The following KDM2B variants were observed in gnomAD, a reference collection of about 807,000 sequenced individuals.
KDM2B encodes the protein lysine-specific demethylase 2B.
Under a neutral mutation model 150.0 loss-of-function variants are expected in KDM2B, and 26 were observed. The observed-to-expected ratio is 0.17, with a 90% CI of 0.13 to 0.24. The LOEUF (loss-of-function observed/expected upper bound fraction) is 0.24. Ranked by LOEUF, KDM2B falls within the 10% of genes least tolerant of loss-of-function variation. The pLI is 1.00. For missense variants in KDM2B, 1,265 were observed against 1,816.9 expected, an observed-to-expected ratio of 0.70 and a Z score of 5.52; for synonymous variants, 734 against 729.5, an observed-to-expected ratio of 1.01 and a Z score of -0.10.
chr12:121,480,101 T>C (rs1198264940), intron 12 of KDM2B, among the ~76,000 whole-genome samples: 1 of 151,736 alleles, frequency 6.6e-6, no homozygotes, highest in African/African-American at 2.4e-5. Flanking sequence ...ACATTATTGA[T>C]ACAGGAAAAA....
rs376057621 is a variant in KDM2B, at chr12:121,520,953, G to A, written c.1047+32C>T. The A allele has an allele frequency of 2.4e-5, 37 of 1,550,564 alleles. No individual in the cohort carries two copies. The highest frequency in any genetic ancestry group is 2.2e-4 in the Admixed American group (13 of 59,850). On this transcript the variant is annotated intron_variant, in intron 9 of 22. Transcript: ENST00000377071. This position sits in a 1 kb window ranked among gnomAD's most constrained non-coding sequence, Gnocchi z 4.5. Reference sequence around the variant, plus strand: ...CACCGGCAGAGCTCAGGGGCCAGGCGCGCACGCGAGGACAGAAGGGAACCT... The same window carrying A: ...CACCGGCAGAGCTCAGGGGCCAGGCACGCACGCGAGGACAGAAGGGAACCT...
chr12:121,442,142 C>T lies in KDM2B; in HGVS notation c.3284+15G>A. 1.9e-6 allele frequency: 3 copies of T among 1,612,216 alleles called. No homozygotes were observed. Among genetic ancestry groups the T allele is most frequent in the South Asian group, 2.2e-5 (2 of 91,038 alleles). ...CTGAGCCTTAACCTAGAGCCCTACA[C>T]AGGCCGCCGCTCACCAGCGGTTCCA... On this transcript the variant is annotated intron_variant, in intron 19 of 22. Transcript: ENST00000377071. This position sits in a 1 kb window ranked among gnomAD's most constrained non-coding sequence, Gnocchi z 7.7.
chr12:121,571,914 G>A (rs1436486454), intron 4 of KDM2B, among the ~76,000 whole-genome samples: 1 of 152,102 alleles, frequency 6.6e-6, no homozygotes, highest in Non-Finnish European at 1.5e-5. Context: ...GCCTCCCAAA[G>A]TGCTGGGATT....
intron 12 of KDM2B, among the ~76,000 whole-genome samples, chr12:121,492,840 GAAAA>G (rs781842497): frequency 7.0e-6 from 1 of 143,790 alleles, no homozygotes; most frequent in Non-Finnish European, 1.5e-5. Flanking sequence ...AAAAAAAAAA[GAAAA>G]AAAAAGAAAA....
intron 12 of KDM2B, among the ~76,000 whole-genome samples, chr12:121,463,776 AC>A (rs1354800675): frequency 6.6e-6 from 1 of 152,088 alleles, no homozygotes; most frequent in East Asian, 1.9e-4. Context: ...ATGGGATTTC[AC>A]CATGTTGCCC....
the KDM2B span, chr12:121,420,084 A>C: frequency 5.1e-5 from 28 of 554,030 alleles, no homozygotes; most frequent in East Asian, 6.2e-5. Flanking sequence ...GCAATTTTGT[A>C]GGGCCCAACT....
chr12:121,547,349 G>A (rs1055573820), intron 6 of KDM2B, among the ~76,000 whole-genome samples: 8 of 152,120 alleles, frequency 5.3e-5, no homozygotes, highest in Admixed American at 2.6e-4. Flanking sequence ...GAGGAAAACC[G>A]CCTACAAAGT....
At chr12:121,494,998 T>A (rs1883763093) in intron 11 of KDM2B, among the ~76,000 whole-genome samples, 1 of 147,008 alleles carries the variant, frequency 6.8e-6, no homozygotes, top group Non-Finnish European at 1.5e-5. Context: ...ACAAACTTTT[T>A]CTTTTTTTTT....
At chr12:121,493,059 C>CA (rs1883526953) in intron 12 of KDM2B, among the ~76,000 whole-genome samples, 2 of 54,080 alleles carry the variant, frequency 3.7e-5, no homozygotes, top group Non-Finnish European at 3.1e-5. Context: ...TCATGCCTGG[C>CA]TTTTTTTTTT....
intron 11 of KDM2B, among the ~76,000 whole-genome samples, chr12:121,496,000 T>A (rs955654792): frequency 3.9e-5 from 6 of 152,050 alleles, no homozygotes; most frequent in Non-Finnish European, 7.4e-5. Flanking sequence ...CTGCCAGACT[T>A]TGGCCTTGTG....
intron 1 of KDM2B, chr12:121,579,678 C>A (rs1891795456): frequency 1.5e-6 from 2 of 1,376,934 alleles, no homozygotes; most frequent in Non-Finnish European, 9.5e-7. Flanking sequence ...TCCCCCACCA[C>A]TCCCCGCATC....
intron 12 of KDM2B, among the ~76,000 whole-genome samples, chr12:121,490,103 G>A (rs782102796): frequency 6.6e-6 from 1 of 152,188 alleles, no homozygotes; most frequent in Non-Finnish European, 1.5e-5. Flanking sequence ...GTGTCACTCC[G>A]GAGGGACCCC....
rs1288112959 is a variant in KDM2B, at chr12:121,521,589, T to G, written c.932-489A>C. Among the ~76,000 whole-genome samples, 4 of 152,132 alleles carry G rather than the reference T, an allele frequency of 2.6e-5. No individual in the cohort carries two copies. Among genetic ancestry groups the G allele is most frequent in the Non-Finnish European group, 5.9e-5 (4 of 68,008 alleles). ...TGCCAGAGCTGCAGGACCCAAGCAC[T>G]TTCCTCCGCCCAAGTCCATCTTCTT... On this transcript the variant is annotated intron_variant, in intron 8 of 22. Coordinates refer to ENST00000377071, the MANE Select transcript of KDM2B (RefSeq NM_032590.5). The surrounding 1 kb of genome is among the most constrained non-coding windows in gnomAD (Gnocchi z 4.9).
intron 6 of KDM2B, among the ~76,000 whole-genome samples, chr12:121,540,007 T>A (rs1555309467): frequency 6.6e-6 from 1 of 152,184 alleles, no homozygotes; most frequent in Admixed American, 6.5e-5. Context: ...CCTAAAGTGC[T>A]GAGATCACAG....
At position 121,575,704 on chromosome 12, in the gene KDM2B, G is replaced by A; in HGVS notation, c.350+77C>T. On this transcript the variant is annotated intron_variant, in intron 3 of 22. Transcript: ENST00000377071. This position sits in a 1 kb window ranked among gnomAD's most constrained non-coding sequence, Gnocchi z 4.4. ...CAGTGATGAGAGGTGGGAAGAGGGT[G>A]GAAGAAATCCATCCCAAGCTATAAA... 9.6e-7 allele frequency: 1 copy of A among 1,037,160 alleles called. No homozygotes were observed. The highest frequency in any genetic ancestry group is 1.5e-6 in the Non-Finnish European group (1 of 655,094). 64.2% of individuals were successfully genotyped at this position (1,037,160 alleles called of 1,614,324 possible).
chr12:121,516,537 T>C (rs1344925968), intron 9 of KDM2B: 2 of 1,435,298 alleles, frequency 1.4e-6, no homozygotes, highest in Middle Eastern at 1.8e-4. Flanking sequence ...ACATTAAACA[T>C]ACGGTTGCTC....
chr12:121,513,485 C>A lies in KDM2B; in HGVS notation c.1048-83G>T. On this transcript the variant is annotated intron_variant, in intron 9 of 22. Coordinates refer to ENST00000377071, the MANE Select transcript of KDM2B (RefSeq NM_032590.5). The surrounding 1 kb of genome is among the most constrained non-coding windows in gnomAD (Gnocchi z 5.0). ...AGGGAGAGAAGTGCGGGGCAGGCTC[C>A]CTGCAGGTGAGGGTCACTGTCATCA... 1 of 1,493,312 alleles carries A rather than the reference C, an allele frequency of 6.7e-7. No homozygotes were observed. The highest frequency in any genetic ancestry group is 9.2e-7 in the Non-Finnish European group (1 of 1,082,428). The allele number at this position is 1,493,312 out of a possible 1,614,324, so 92.5% of individuals were successfully genotyped here. A position where few individuals can be genotyped will look rare whatever the true frequency, so the allele number is the denominator to read the frequency against.
chr12:121,450,716 C>T (rs1877106214), intron 13 of KDM2B, among the ~76,000 whole-genome samples: 1 of 152,080 alleles, frequency 6.6e-6, no homozygotes, highest in African/African-American at 2.4e-5. Context: ...AAAAATTAGC[C>T]AGGCGTGGTG....
intron 2 of KDM2B, among the ~76,000 whole-genome samples, chr12:121,577,269 G>C (rs1891561046): frequency 6.6e-6 from 1 of 152,022 alleles, no homozygotes; most frequent in South Asian, 2.1e-4. Context: ...AAATCAGCCT[G>C]AGAAAAAGCT....
Sources: allele counts gnomAD v4.1 joint callset (sites outside exome capture counted in the v4.1 genomes callset), GRCh38; gene constraint gnomAD v4.1.1; non-coding constraint Gnocchi (gnomAD v3.1); transcripts MANE v1.5; gene names NCBI Gene and HGNC (gene_info 2026-07-23, HGNC 2026-07-21).